ITPR1: variants seen among roughly 807,000 people sequenced by gnomAD.
ITPR1 encodes the protein inositol 1,4,5-trisphosphate-gated calcium channel ITPR1.
A neutral mutation model predicts 318.4 loss-of-function variants in ITPR1; 96 were observed. The ratio of observed to expected loss-of-function variants is 0.30; its 90% CI spans 0.26 to 0.36. The LOEUF is 0.36. Ranked by LOEUF, ITPR1 falls within the 10% of genes least tolerant of loss-of-function variation. The probability of loss-of-function intolerance (pLI) is 1.00; values close to 1 mark genes in which losing one functional copy is unlikely to be tolerated. For missense variants in ITPR1, 2,440 were observed against 3,460.2 expected, an observed-to-expected ratio of 0.71 and a Z score of 7.40; for synonymous variants, 1,312 against 1,289.9, an observed-to-expected ratio of 1.02 and a Z score of -0.37.
chr3:4,743,520 C>G (rs1271556077), intron 44 of ITPR1, among the ~76,000 whole-genome samples: 1 of 152,210 alleles, frequency 6.6e-6, no homozygotes, highest in African/African-American at 2.4e-5. Context: ...TTGTCAGCAT[C>G]ATTCATCTGT....
At chr3:4,827,956 G>A (rs2050188822) in intron 60 of ITPR1, among the ~76,000 whole-genome samples, 1 of 152,112 alleles carries the variant, frequency 6.6e-6, no homozygotes, top group East Asian at 1.9e-4. Context: ...TGTAGATGGC[G>A]AGACGGATAA....
At chr3:4,651,080 G>A (rs1027244901) in intron 10 of ITPR1, among the ~76,000 whole-genome samples, 9 of 152,132 alleles carry the variant, frequency 5.9e-5, no homozygotes, top group African/African-American at 2.2e-4. Context: ...CCCCTTTGAT[G>A]TGTCTACTAA....
At chr3:4,706,416 T>C (rs2094758505) in intron 37 of ITPR1, 65 bp downstream of exon 37, 2 of 1,420,312 alleles carry the variant, frequency 1.4e-6, no homozygotes, top group Non-Finnish European at 9.6e-7. Flanking sequence ...CACACAGCAG[T>C]GCATCCTTGA....
intron 4 of ITPR1, among the ~76,000 whole-genome samples, chr3:4,528,724 T>C (rs1228321485): frequency 6.6e-6 from 1 of 152,204 alleles, no homozygotes; most frequent in Non-Finnish European, 1.5e-5. Context: ...TTTAAGGTGC[T>C]TGTCAAGTAT....
At chr3:4,646,872 C>G (rs908973161) in intron 10 of ITPR1, among the ~76,000 whole-genome samples, 2 of 152,018 alleles carry the variant, frequency 1.3e-5, no homozygotes, top group African/African-American at 2.4e-5. Flanking sequence ...TCTCTGCTTG[C>G]GTTCTCTTTT....
At chr3:4,642,032 A>G in intron 6 of ITPR1, 61 bp from the exon 7 acceptor site, 1 of 1,360,984 alleles carries the variant, frequency 7.3e-7, no homozygotes, top group Middle Eastern at 2.3e-4. Context: ...TGATTGAGAG[A>G]AGGAATGGTA....
At chr3:4,560,414 G>C (rs945035764) in intron 4 of ITPR1, among the ~76,000 whole-genome samples, 2 of 152,094 alleles carry the variant, frequency 1.3e-5, no homozygotes, top group Non-Finnish European at 2.9e-5. Context: ...TTATTTTGTA[G>C]AGTTTTTAAT....
At position 4,779,433 on chromosome 3, in the gene ITPR1, G is replaced by A. The variant is rs139958195; in HGVS notation, c.6292-117G>A. The A allele has an allele frequency of 1.4e-6, 1 of 711,370 alleles. No individual in the cohort carries two copies. The highest frequency in any genetic ancestry group is 2.6e-6 in the Non-Finnish European group (1 of 387,054). The allele number at this position is 711,370 out of a possible 1,614,324, so 44.1% of individuals were successfully genotyped here. A position where few individuals can be genotyped will look rare whatever the true frequency, so the allele number is the denominator to read the frequency against. On this transcript the variant is annotated intron_variant, in intron 48 of 61. Coordinates refer to ENST00000649015, the MANE Select transcript of ITPR1 (RefSeq NM_001378452.1). The surrounding 1 kb of genome is among the most constrained non-coding windows in gnomAD (Gnocchi z 4.0). ...TCCTTAACCCAGAGCTTCCTCATGG[G>A]GTGAAATGTTCGTCTGTTTAGCCGG...
At position 4,673,402 on chromosome 3, in the gene ITPR1, T is replaced by G; in HGVS notation, c.2456+15T>G. The G allele has an allele frequency of 1.9e-6, 3 of 1,588,942 alleles. No homozygotes were observed. Among genetic ancestry groups the G allele is most frequent in the Non-Finnish European group, 2.6e-6 (3 of 1,164,074 alleles). On this transcript the variant is annotated intron_variant, in intron 21 of 61. Coordinates refer to ENST00000649015, the MANE Select transcript of ITPR1 (RefSeq NM_001378452.1). ...GCCATTGACGAGTGAGCCTGGCACC[T>G]GAAAACCTCACTTTACATTATTCTG...
chr3:4,547,933 C>G (rs935238342), intron 4 of ITPR1, among the ~76,000 whole-genome samples: 1 of 152,060 alleles, frequency 6.6e-6, no homozygotes, highest in African/African-American at 2.4e-5. Flanking sequence ...ACTTCTGCAT[C>G]CACTTACGAA....
intron 54 of ITPR1, among the ~76,000 whole-genome samples, chr3:4,802,301 G>A (rs912361691): frequency 1.3e-5 from 2 of 152,214 alleles, no homozygotes; most frequent in Non-Finnish European, 2.9e-5. Context: ...TGGAAACTCT[G>A]TTCCCAGTAG....
At position 4,784,057 on chromosome 3, in the gene ITPR1, G is replaced by A. The variant is rs550347749; in HGVS notation, c.6615+137G>A. 5.3e-5 allele frequency: 33 copies of A among 618,564 alleles called. No individual in the cohort carries two copies. The South Asian group carries it at 7.4e-4, about 14-fold the overall frequency. 38.3% of individuals were successfully genotyped at this position (618,564 alleles called of 1,614,324 possible). A position where few individuals can be genotyped will look rare whatever the true frequency, so the allele number is the denominator to read the frequency against. ...TGTACTGTGTGCTAGGTCCTGGGCT[G>A]GGTGCTGGACATCCCATGGCCAAGA... On this transcript the variant is annotated intron_variant, in intron 51 of 61. Transcript: ENST00000649015.
rs1386702315 is a variant in ITPR1 at position 4,710,996 on chromosome 3, G to A, written c.4991+523G>A. ...GGAGGCCGGGGCTGGTGAATCACCT[G>A]AGGTCAGGGGTTCAAGACCAGCCTG... On this transcript the variant is annotated intron_variant, in intron 38 of 61. Transcript: ENST00000649015. The surrounding 1 kb of genome is among the most constrained non-coding windows in gnomAD (Gnocchi z 4.2). Among the ~76,000 whole-genome samples, 1 of 152,084 alleles carries A rather than the reference G, an allele frequency of 6.6e-6. No homozygotes were observed. Among genetic ancestry groups the A allele is most frequent in the South Asian group, 2.1e-4 (1 of 4,826 alleles).
chr3:4,654,348 T>C (rs564633743), intron 12 of ITPR1, among the ~76,000 whole-genome samples: 1 of 152,332 alleles, frequency 6.6e-6, no homozygotes, highest in East Asian at 1.9e-4. Context: ...GGCGTGTGAT[T>C]AGATACTCAG....
chr3:4,720,410 A>T (rs557757364), intron 40 of ITPR1, among the ~76,000 whole-genome samples: 2 of 152,332 alleles, frequency 1.3e-5, no homozygotes, highest in South Asian at 4.2e-4. Flanking sequence ...TTGCTTTCCT[A>T]TGCTTTAAAG....
intron 26 of ITPR1, among the ~76,000 whole-genome samples, chr3:4,683,061 A>G (rs1275892580): frequency 2.0e-5 from 3 of 152,234 alleles, no homozygotes; most frequent in African/African-American, 7.2e-5. Context: ...TAGGAGAAAC[A>G]CATCCTCTTG....
chr3:4,533,700 C>A (rs528595284), intron 4 of ITPR1, among the ~76,000 whole-genome samples: 1 of 152,306 alleles, frequency 6.6e-6, no homozygotes, highest in East Asian at 1.9e-4. Context: ...CTTTAGCCTT[C>A]CTGAATTTTT....
intron 4 of ITPR1, among the ~76,000 whole-genome samples, chr3:4,588,344 T>C (rs1002933164): frequency 4.6e-5 from 7 of 151,898 alleles, no homozygotes; most frequent in South Asian, 4.1e-4. Context: ...CCTGTTTCTT[T>C]TTTTTTTTTA....
In ITPR1 at chr3:4,599,133, A is replaced by G. The variant is rs536106526; in HGVS notation, c.164-28630A>G. On this transcript the variant is annotated intron_variant, in intron 4 of 61. Coordinates refer to ENST00000649015, the MANE Select transcript of ITPR1 (RefSeq NM_001378452.1). ...GGGTTTCCTATGGGTAAAATATTTC[A>G]TTTTTACTACAGTCCTCAGATGGGG... Among the ~76,000 whole-genome samples, 3 of 151,740 alleles carry G rather than the reference A, an allele frequency of 2.0e-5. No individual in the cohort carries two copies. The East Asian group carries it at 5.8e-4, about 29-fold the overall frequency.
Sources: gnomAD v4.1 joint callset for allele counts (sites outside exome capture counted in the v4.1 genomes callset) on GRCh38, gnomAD v4.1.1 for gene constraint, Gnocchi (gnomAD v3.1) non-coding constraint, MANE v1.5 for transcripts, NCBI Gene and HGNC (gene_info 2026-07-23, HGNC 2026-07-21) for gene names.